The following RBPMS variants were observed in gnomAD, a reference collection of about 807,000 sequenced individuals.
RBPMS encodes the protein RNA-binding protein with multiple splicing.
RBPMS carries 7 observed loss-of-function variants against 26.8 expected under a neutral mutation model. That is an observed-to-expected ratio of 0.26 (90% CI 0.15 to 0.49). RBPMS has a LOEUF of 0.49. Among genes scored for constraint, RBPMS ranks in the 20% least tolerant of loss-of-function variants. The pLI is 0.98. For synonymous variants in RBPMS, 96 were observed against 93.3 expected, an observed-to-expected ratio of 1.03 and a Z score of -0.17; for missense variants, 186 against 250.0, an observed-to-expected ratio of 0.74 and a Z score of 1.73.
At chr8:30,522,245 G>A (rs978801151) in intron 5 of RBPMS, among the ~76,000 whole-genome samples, 22 of 151,104 alleles carry the variant, frequency 1.5e-4, no homozygotes, top group Middle Eastern at 3.2e-3. Flanking sequence ...TCCAGCTTGG[G>A]CAACATAGTG....
At position 30,438,675 on chromosome 8, in the gene RBPMS, C is replaced by T. The variant is rs948037580; in HGVS notation, c.67-36104C>T. 2.6e-5 allele frequency among the ~76,000 whole-genome samples: 4 copies of T among 152,142 alleles called. No homozygotes were observed. In the South Asian group the frequency reaches 8.3e-4, roughly 32 times the overall value. On this transcript the variant is annotated intron_variant, in intron 1 of 8. Coordinates refer to ENST00000397323, the MANE Select transcript of RBPMS (RefSeq NM_001008710.3). Reference sequence around the variant, plus strand: ...TAATAAATGTTTTTCTTTGTCTTTGCAATAATGATATTATTAGATAGGCTT... The same window carrying T: ...TAATAAATGTTTTTCTTTGTCTTTGTAATAATGATATTATTAGATAGGCTT...
At chr8:30,426,875 T>A (rs543782458) in intron 1 of RBPMS, among the ~76,000 whole-genome samples, 12 of 152,174 alleles carry the variant, frequency 7.9e-5, no homozygotes, top group Non-Finnish European at 1.5e-4. Context: ...CAATGTTTTG[T>A]TCATGGGTCT....
At chr8:30,558,510 C>T (rs923862351) in intron 6 of RBPMS, 15 of 347,974 alleles carry the variant, frequency 4.3e-5, no homozygotes, top group African/African-American at 2.9e-4. Context: ...TTTCCACACT[C>T]TGCTTAGAAA....
chr8:30,465,971 A>G (rs1204847739), intron 1 of RBPMS, among the ~76,000 whole-genome samples: 1 of 152,110 alleles, frequency 6.6e-6, no homozygotes, highest in African/African-American at 2.4e-5. Context: ...TGCCTTATGA[A>G]TTATGGAACA....
intron 1 of RBPMS, among the ~76,000 whole-genome samples, chr8:30,429,520 T>C (rs917273976): frequency 5.9e-5 from 9 of 152,226 alleles, no homozygotes; most frequent in African/African-American, 1.9e-4. Flanking sequence ...GTGATTGATA[T>C]ACATGCCCCC....
At chr8:30,412,857 T>C (rs1164497019) in intron 1 of RBPMS, among the ~76,000 whole-genome samples, 3 of 152,224 alleles carry the variant, frequency 2.0e-5, no homozygotes, top group African/African-American at 7.2e-5. Flanking sequence ...GACATTTACA[T>C]ATTCAAAAGC....
intron 5 of RBPMS, among the ~76,000 whole-genome samples, chr8:30,518,687 C>CTTTTTTTT (rs58763494): frequency 0.012 from 212 of 18,230 alleles, 71 homozygotes; most frequent in Middle Eastern, 0.1. Context: ...CCAAGCATGA[C>CTTTTTTTT]TTTTTTTTTT....
At chr8:30,528,573 A>G (rs1295648167) in intron 5 of RBPMS, among the ~76,000 whole-genome samples, 2 of 152,248 alleles carry the variant, frequency 1.3e-5, no homozygotes, top group East Asian at 1.9e-4. Context: ...GAGAAATTCA[A>G]TAATGAGGAT....
At chr8:30,563,435 T>G (rs894093311) in intron 7 of RBPMS, among the ~76,000 whole-genome samples, 6 of 152,184 alleles carry the variant, frequency 3.9e-5, no homozygotes, top group Non-Finnish European at 8.8e-5. Flanking sequence ...CAGCTTTCTT[T>G]GATGGATATT....
intron 5 of RBPMS, 65 bp from the exon 6 acceptor site, chr8:30,544,429 T>C: frequency 2.0e-6 from 3 of 1,526,380 alleles, no homozygotes; most frequent in South Asian, 1.1e-5. Flanking sequence ...GTTGGGTGTT[T>C]TGTTTTCTGA....
intron 1 of RBPMS, among the ~76,000 whole-genome samples, chr8:30,448,740 A>C (rs1814175148): frequency 6.6e-6 from 1 of 152,210 alleles, no homozygotes; most frequent in Admixed American, 6.5e-5. Context: ...TTTGAACTTC[A>C]GTTTCCTTAT....
intron 7 of RBPMS, among the ~76,000 whole-genome samples, chr8:30,563,424 G>A (rs1331891852): frequency 6.6e-6 from 1 of 152,210 alleles, no homozygotes; most frequent in Non-Finnish European, 1.5e-5. Context: ...TGAGAGTGAG[G>A]CAGCTTTCTT....
intron 7 of RBPMS, chr8:30,562,069 G>A (rs1277260899): frequency 8.1e-6 from 8 of 982,290 alleles, no homozygotes; most frequent in Middle Eastern, 5.2e-4. Flanking sequence ...AGTGCCTCAC[G>A]CCTGTCATCC....
intron 2 of RBPMS, among the ~76,000 whole-genome samples, 200 bp downstream of exon 2, chr8:30,475,056 T>C (rs1817542766): frequency 6.6e-6 from 1 of 152,232 alleles, no homozygotes; most frequent in South Asian, 2.1e-4. Flanking sequence ...TCAAATGCAG[T>C]AATGTAAGTG....
At chr8:30,432,117 C>A (rs886082989) in intron 1 of RBPMS, among the ~76,000 whole-genome samples, 2 of 152,060 alleles carry the variant, frequency 1.3e-5, no homozygotes, top group African/African-American at 4.8e-5. Context: ...CAGAGTGAGA[C>A]CCTGTCTCAA....
At chr8:30,537,699 C>T (rs759275613) in intron 5 of RBPMS, 5 of 454,170 alleles carry the variant, frequency 1.1e-5, no homozygotes, top group Admixed American at 4.7e-5. Context: ...TATTTAACCT[C>T]GCTGTGTCTC....
intron 1 of RBPMS, 184 bp downstream of exon 1, chr8:30,385,342 G>C (rs1287653750): frequency 4.7e-6 from 2 of 426,896 alleles, no homozygotes; most frequent in Non-Finnish European, 8.3e-6. Context: ...GTCCACGCGC[G>C]TCTGCGGGCC....
chr8:30,385,002 C>G lies in RBPMS; in HGVS notation c.-91C>G. ...CCGCGGCGCCCGCCCGAGGGAGCCC[C>G]GGCGCCCGGGGAAGGCTCCAGTGGG... On this transcript the variant is annotated 5_prime_UTR_variant, in exon 1 of 9. Coordinates refer to ENST00000397323, the MANE Select transcript of RBPMS (RefSeq NM_001008710.3). 1 of 1,035,362 alleles carries G rather than the reference C, an allele frequency of 9.7e-7. No homozygotes were observed. Among genetic ancestry groups the G allele is most frequent in the South Asian group, 2.3e-5 (1 of 43,790 alleles). 64.1% of individuals were successfully genotyped at this position (1,035,362 alleles called of 1,614,324 possible).
At chr8:30,420,408 T>A (rs1274913263) in intron 1 of RBPMS, among the ~76,000 whole-genome samples, 1 of 152,114 alleles carries the variant, frequency 6.6e-6, no homozygotes, top group Non-Finnish European at 1.5e-5. Flanking sequence ...CTTATAAACA[T>A]ACATAAAGCC....
Sources: allele counts gnomAD v4.1 joint callset (sites outside exome capture counted in the v4.1 genomes callset), GRCh38; gene constraint gnomAD v4.1.1; transcripts MANE v1.5; gene names NCBI Gene and HGNC (gene_info 2026-07-23, HGNC 2026-07-21).